SLC27A3: variants seen among roughly 807,000 people sequenced by gnomAD.
The protein encoded by SLC27A3 is solute carrier family 27 member 3.
Under a neutral mutation model 60.1 loss-of-function variants are expected in SLC27A3, and 60 were observed. The observed-to-expected ratio is 1.00, with a 90% CI of 0.81 to 1.24. SLC27A3 has a LOEUF of 1.24. Ranked by LOEUF, SLC27A3 falls within the 50% of genes most tolerant of loss-of-function variation. The pLI, the probability that SLC27A3 is intolerant of heterozygous loss-of-function variation, is 0.00. For synonymous variants in SLC27A3, 455 were observed against 409.0 expected (o/e 1.11, Z -1.36); for missense variants, 1,079 against 929.9 (o/e 1.16, Z -2.09).
rs139357302 is a variant in SLC27A3, at chr1:153,776,063, A to G, written c.566A>G (p.Lys189Arg). The change falls in exon 1 of 10, where the codon AAG becomes AGG. Residue 189 changes from lysine to arginine, a missense_variant. By Grantham distance (26) the Lys-to-Arg change is conservative. Coordinates refer to ENST00000624995, the MANE Select transcript of SLC27A3 (RefSeq NM_024330.4). Reference sequence around the variant, plus strand: ...CTGTGGCTCTGGTTCGGGCTGGCCAAGGCCGGCCTGCGCACTGCCTTTGTG... The same window carrying G: ...CTGTGGCTCTGGTTCGGGCTGGCCAGGGCCGGCCTGCGCACTGCCTTTGTG... ...EFLWLWFGLAKAGLRTAFVPT... is the reference protein window; with the variant it reads ...EFLWLWFGLARAGLRTAFVPT... 4.1e-6 allele frequency: 6 copies of G among 1,471,358 alleles called. No individual in the cohort carries two copies. Among genetic ancestry groups the G allele is most frequent in the East Asian group, 2.6e-5 (1 of 38,660 alleles). 91.1% of individuals were successfully genotyped at this position (1,471,358 alleles called of 1,614,324 possible).
In SLC27A3 at chr1:153,779,372, C is replaced by T. The variant is rs1181224389; in HGVS notation, c.1774C>T (p.Leu592=). Residue 592 remains leucine (L), a synonymous_variant, in exon 9 of 10, where the codon CTA becomes TTA. Transcript: ENST00000624995. Reference sequence around the variant, plus strand: ...TGAAGGCAGGGCTGGAATGGCAGCCCTAGTTCTGCGTCCCCCCCACGCTTT... The same window carrying T: ...TGAAGGCAGGGCTGGAATGGCAGCCTTAGTTCTGCGTCCCCCCCACGCTTT... The part of the protein sequence containing the change: ...GHEGRAGMAA[L]VLRPPHALDL... 1 of 1,614,090 alleles carries T rather than the reference C, an allele frequency of 6.2e-7. No individual in the cohort carries two copies. The highest frequency in any genetic ancestry group is 1.3e-5 in the African/African-American group (1 of 75,014).
chr1:153,776,816 G>A, intron 2 of SLC27A3, 89 bp downstream of exon 2: 1 of 1,282,504 alleles, frequency 7.8e-7, no homozygotes, highest in Non-Finnish European at 1.1e-6. Context: ...AAAGCCCCCA[G>A]AGAGGATGCT....
intron 3 of SLC27A3, 171 bp from the exon 4 acceptor site, chr1:153,777,590 G>A: frequency 1.2e-6 from 1 of 835,746 alleles, no homozygotes; most frequent in East Asian, 2.4e-5. Flanking sequence ...GGGGACAGGG[G>A]CCGGGGGAGG....
In SLC27A3 at chr1:153,775,444, G is replaced by A. The variant is rs752901679; in HGVS notation, c.-54G>A. 1.9e-6 allele frequency: 3 copies of A among 1,612,420 alleles called. No individual in the cohort carries two copies. Among genetic ancestry groups the A allele is most frequent in the Admixed American group, 1.7e-5 (1 of 60,030 alleles). ...CCTAGGTTTTCGGAAGGGAGGATCA[G>A]GGATGTTTGCGAGCGGCTGGAACCA... On this transcript the variant is annotated 5_prime_UTR_variant, in exon 1 of 10. Coordinates refer to ENST00000624995, the MANE Select transcript of SLC27A3 (RefSeq NM_024330.4).
In SLC27A3 at chr1:153,775,478, C is replaced by A; in HGVS notation, c.-20C>A. Reference sequence around the variant, plus strand: ...GCGAGCGGCTGGAACCAGACGGTGCCGATAGAGGAAGCGGGCTCCATGGCT... The same window carrying A: ...GCGAGCGGCTGGAACCAGACGGTGCAGATAGAGGAAGCGGGCTCCATGGCT... On this transcript the variant is annotated 5_prime_UTR_variant, in exon 1 of 10. Coordinates refer to ENST00000624995, the MANE Select transcript of SLC27A3 (RefSeq NM_024330.4). 1 of 1,613,176 alleles carries A rather than the reference C, an allele frequency of 6.2e-7. No homozygotes were observed. The highest frequency in any genetic ancestry group is 8.5e-7 in the Non-Finnish European group (1 of 1,180,044).
At position 153,776,659 on chromosome 1, in the gene SLC27A3, C is replaced by G; in HGVS notation, c.809C>G (p.Pro270Arg). 6.2e-7 allele frequency: 1 copy of G among 1,614,194 alleles called. No individual in the cohort carries two copies. The highest frequency in any genetic ancestry group is 8.5e-7 in the Non-Finnish European group (1 of 1,180,032). The change falls in exon 2 of 10, where the codon CCA becomes CGA. Residue 270 changes from proline to arginine, a missense_variant. Pro to Arg is a moderately radical substitution (Grantham distance 103). Transcript: ENST00000624995. ...EVSAEVDGPV[P>R]GYLSSPQSIT... ...TCCGCTGAAGTGGATGGGCCAGTGCCAGGATACCTCTCTTCCCCCCAGAGC... is the reference window on the plus strand; with the variant it reads ...TCCGCTGAAGTGGATGGGCCAGTGCGAGGATACCTCTCTTCCCCCCAGAGC...
In SLC27A3 at chr1:153,779,859, C is replaced by G. The variant is rs748248699; in HGVS notation, c.1909C>G (p.Gln637Glu). Residue 637 changes from glutamine to glutamate, a missense_variant, in exon 10 of 10, where the codon CAG (glutamine) becomes GAG (glutamate). Coordinates refer to ENST00000624995, the MANE Select transcript of SLC27A3 (RefSeq NM_024330.4). ...GGCCACCACAGAGACCTTCAAACAG[C>G]AGAAAGTTCGGATGGCAAATGAGGG... The part of the protein sequence containing the change: ...SLATTETFKQ[Q>E]KVRMANEGFD... 8 of 1,613,996 alleles carry G rather than the reference C, an allele frequency of 5.0e-6. No individual in the cohort carries two copies. The East Asian group carries it at 6.7e-5, about 13-fold the overall frequency.
rs905991122 is a variant in SLC27A3 at position 153,778,229 on chromosome 1, G to A, written c.1230G>A (p.Glu410=). 3.1e-6 allele frequency: 5 copies of A among 1,613,736 alleles called. No individual in the cohort carries two copies. Among genetic ancestry groups the A allele is most frequent in the African/African-American group, 1.3e-5 (1 of 74,952 alleles). Residue 410 remains glutamate (E), a synonymous_variant, in exon 5 of 10, where the codon GAG becomes GAA. Coordinates refer to ENST00000624995, the MANE Select transcript of SLC27A3 (RefSeq NM_024330.4). ...VGSGLRPDTW[E]RFVRRFGPLQ... ...GCGGGCTGCGCCCAGATACCTGGGAGCGTTTTGTGCGGCGCTTCGGGCCCC... is the reference window on the plus strand; with the variant it reads ...GCGGGCTGCGCCCAGATACCTGGGAACGTTTTGTGCGGCGCTTCGGGCCCC...
chr1:153,779,142 G>T lies in SLC27A3; in HGVS notation c.1675G>T (p.Glu559Ter). ...GAAGGGGGAGAATGTGGCCACAACC[G>T]AGGTGGCAGAGGTCTTCGAGGCCCT... ...RWKGENVATT[E>*]VAEVFEALDF... is the part of the protein sequence containing the mutation. Residue 559 changes from glutamate (E) to a stop codon, truncating the protein, a stop_gained, in exon 8 of 10, where the codon GAG becomes TAG. Transcript: ENST00000624995. LOFTEE classifies it high-confidence loss of function. The T allele has an allele frequency of 6.2e-7, 1 of 1,614,158 alleles. No individual in the cohort carries two copies. The highest frequency in any genetic ancestry group is 8.5e-7 in the Non-Finnish European group (1 of 1,180,018).
rs1558019887 is a variant in SLC27A3, at chr1:153,776,718, G to A, written c.868G>A (p.Gly290Ser). The change falls in exon 2 of 10, where the codon GGC (glycine) becomes AGC (serine). Residue 290 changes from glycine to serine, a missense_variant. Physicochemically the swap from Gly to Ser is moderately conservative, Grantham distance 56. Transcript: ENST00000624995. ...CACGTGCCTGTACATCTTCACCTCTGGCACCACGGGTGAGGGCCGGGCACC... is the reference window on the plus strand; with the variant it reads ...CACGTGCCTGTACATCTTCACCTCTAGCACCACGGGTGAGGGCCGGGCACC... ...TDTCLYIFTS[G>S]TTGLPKAARI... The A allele has an allele frequency of 6.2e-7, 1 of 1,614,068 alleles. No homozygotes were observed. Among genetic ancestry groups the A allele is most frequent in the Non-Finnish European group, 8.5e-7 (1 of 1,179,978 alleles).
Position 153,777,129 on chromosome 1 carries a change from T to C in SLC27A3, c.945T>C (p.Cys315=), listed in dbSNP as rs747982160. ...AATGCCAGGGCTTCTATCAGCTGTGTGGTGTCCACCAGGAAGATGTGATCT... is the reference window on the plus strand; with the variant it reads ...AATGCCAGGGCTTCTATCAGCTGTGCGGTGTCCACCAGGAAGATGTGATCT... The part of the protein sequence containing the change: ...ILQCQGFYQL[C]GVHQEDVIYL... The change falls in exon 3 of 10, where the codon TGT becomes TGC. Residue 315 remains cysteine (C), a synonymous_variant. Transcript: ENST00000624995. 2.5e-6 allele frequency: 4 copies of C among 1,614,264 alleles called. No individual in the cohort carries two copies. The East Asian group carries it at 6.7e-5, about 27-fold the overall frequency.
rs1673394411 is a variant in SLC27A3, at chr1:153,779,178, C to T, written c.1711C>T (p.Gln571Ter). Residue 571 changes from glutamine to a stop codon, truncating the protein, a stop_gained, in exon 8 of 10, where the codon CAG becomes TAG. Coordinates refer to ENST00000624995, the MANE Select transcript of SLC27A3 (RefSeq NM_024330.4). LOFTEE classifies it high-confidence loss of function. Reference sequence around the variant, plus strand: ...GGTCTTCGAGGCCCTAGATTTTCTTCAGGAGGTGAACGTCTATGGAGTCAC... The same window carrying T: ...GGTCTTCGAGGCCCTAGATTTTCTTTAGGAGGTGAACGTCTATGGAGTCAC... Reference protein sequence around the residue: ...AEVFEALDFLQEVNVYGVTVP... With the variant: ...AEVFEALDFL 3 of 1,614,066 alleles carry T rather than the reference C, an allele frequency of 1.9e-6. No individual in the cohort carries two copies. Among genetic ancestry groups the T allele is most frequent in the African/African-American group, 1.3e-5 (1 of 74,934 alleles).
intron 9 of SLC27A3, 24 bp downstream of exon 9, chr1:153,779,497 G>A (rs567505431): frequency 1.6e-5 from 26 of 1,605,688 alleles, no homozygotes; most frequent in Non-Finnish European, 2.1e-5. Context: ...TCCCCCGCCG[G>A]CCCCTCACCC....
chr1:153,779,602 C>T (rs1028821980), intron 9 of SLC27A3, 129 bp downstream of exon 9: 16 of 1,138,494 alleles, frequency 1.4e-5, no homozygotes, highest in Admixed American at 9.1e-5. Flanking sequence ...TAATACACTC[C>T]GTGAAGAGAA....
chr1:153,777,238 C>G lies in SLC27A3; in HGVS notation c.1036+18C>G, dbSNP rs369094001. On this transcript the variant is annotated intron_variant, in intron 3 of 9. Coordinates refer to ENST00000624995, the MANE Select transcript of SLC27A3 (RefSeq NM_024330.4). ...GGGCATTGGTCAGTCTCCCCAACCC[C>G]ACCTTCATTAATTCATCCAGTAGAC... 8.7e-6 allele frequency: 14 copies of G among 1,613,622 alleles called. No homozygotes were observed. The highest frequency in any genetic ancestry group is 1.2e-5 in the Non-Finnish European group (14 of 1,179,698).
In SLC27A3 at chr1:153,779,140, C is replaced by T. The variant is rs2101849604; in HGVS notation, c.1673C>T (p.Thr558Ile). ...FRWKGENVATTEVAEVFEALD... is the reference protein window; with the variant it reads ...FRWKGENVATIEVAEVFEALD... ...TGGAAGGGGGAGAATGTGGCCACAA[C>T]CGAGGTGGCAGAGGTCTTCGAGGCC... The change falls in exon 8 of 10, where the codon ACC (threonine) becomes ATC (isoleucine). Residue 558 changes from threonine to isoleucine, a missense_variant. Transcript: ENST00000624995. 1.2e-6 allele frequency: 2 copies of T among 1,614,160 alleles called. No homozygotes were observed. Among genetic ancestry groups the T allele is most frequent in the East Asian group, 2.2e-5 (1 of 44,884 alleles).
intron 1 of SLC27A3, 82 bp from the exon 2 acceptor site, chr1:153,776,436 G>T (rs977212796): frequency 3.6e-6 from 5 of 1,379,166 alleles, no homozygotes; most frequent in Non-Finnish European, 5.0e-6. Context: ...AGCAGTGTGG[G>T]CTGGGATAGG....
Position 153,780,091 on chromosome 1 carries a change from A to G in SLC27A3, c.*89A>G. The G allele has an allele frequency of 1.7e-6, 2 of 1,170,102 alleles. No individual in the cohort carries two copies. The highest frequency in any genetic ancestry group is 1.5e-5 in the South Asian group (1 of 68,262). The allele number at this position is 1,170,102 out of a possible 1,614,324, so 72.5% of individuals were successfully genotyped here. On this transcript the variant is annotated 3_prime_UTR_variant, in exon 10 of 10. Transcript: ENST00000624995. ...CTGGGCTGTCAGGGATCTTTTCTATACCAGAACTGCGGTCACTATTTTGTA... is the reference window on the plus strand; with the variant it reads ...CTGGGCTGTCAGGGATCTTTTCTATGCCAGAACTGCGGTCACTATTTTGTA...
intron 4 of SLC27A3, 34 bp downstream of exon 4, chr1:153,777,919 A>G (rs199806304): frequency 1.8e-5 from 29 of 1,613,764 alleles, no homozygotes; most frequent in Admixed American, 5.0e-5. Context: ...AGAGCTGCTG[A>G]CACAGGGCTA....
Sources: allele counts gnomAD v4.1 joint callset, GRCh38; gene constraint gnomAD v4.1.1; transcripts MANE v1.5; gene names NCBI Gene and HGNC (gene_info 2026-07-23, HGNC 2026-07-21).